LRP6: variants seen among roughly 807,000 people sequenced by gnomAD.
The protein encoded by LRP6 is low-density lipoprotein receptor-related protein 6.
A neutral mutation model predicts 184.1 loss-of-function variants in LRP6; 43 were observed. The observed-to-expected ratio is 0.23, with a 90% CI of 0.18 to 0.30. The LOEUF is 0.30. Among genes scored for constraint, LRP6 ranks in the 10% least tolerant of loss-of-function variants. The probability of loss-of-function intolerance (pLI) is 1.00; values close to 1 mark genes in which losing one functional copy is unlikely to be tolerated. For missense variants in LRP6, 1,571 were observed against 2,005.3 expected, an observed-to-expected ratio of 0.78 and a Z score of 4.14; for synonymous variants, 719 against 684.9, an observed-to-expected ratio of 1.05 and a Z score of -0.78.
intron 1 of LRP6, among the ~76,000 whole-genome samples, chr12:12,245,163 T>G (rs1865155075): frequency 6.6e-6 from 1 of 152,196 alleles, no homozygotes; most frequent in Non-Finnish European, 1.5e-5. Context: ...TCATACCAAT[T>G]TATTTGTAAT....
chr12:12,132,552 G>A (rs1949774342), intron 17 of LRP6, among the ~76,000 whole-genome samples: 1 of 152,034 alleles, frequency 6.6e-6, no homozygotes, highest in Admixed American at 6.6e-5. Flanking sequence ...TTGCACTGAT[G>A]CTGCAAAAGA....
chr12:12,183,621 T>C (rs886246527), intron 5 of LRP6, among the ~76,000 whole-genome samples: 2 of 152,224 alleles, frequency 1.3e-5, no homozygotes, highest in African/African-American at 2.4e-5. Context: ...AAACATACTT[T>C]CTTTCACAGA....
chr12:12,192,574 G>A (rs766174107), intron 3 of LRP6, among the ~76,000 whole-genome samples: 2 of 152,000 alleles, frequency 1.3e-5, no homozygotes, highest in Admixed American at 6.6e-5. Context: ...AAAGGTTACA[G>A]TAGACAGTAA....
At chr12:12,122,145 A>C (rs532308368) in intron 22 of LRP6, among the ~76,000 whole-genome samples, 1 of 152,290 alleles carries the variant, frequency 6.6e-6, no homozygotes, top group African/African-American at 2.4e-5. Flanking sequence ...TTTATTTCTT[A>C]CACTTGTTTA....
intron 7 of LRP6, among the ~76,000 whole-genome samples, chr12:12,176,396 T>C (rs538829630): frequency 6.6e-6 from 1 of 152,150 alleles, no homozygotes; most frequent in Non-Finnish European, 1.5e-5. Flanking sequence ...CCCTCACATA[T>C]ATGTTATTCT....
chr12:12,185,692 C>T (rs1474625935), intron 4 of LRP6, among the ~76,000 whole-genome samples: 1 of 152,000 alleles, frequency 6.6e-6, no homozygotes, highest in Admixed American at 6.6e-5. Flanking sequence ...AAACACAGAA[C>T]CAAAACTAAG....
rs989204387 is a variant in LRP6, at chr12:12,255,418, C to T, written c.56-10763G>A. 3.0e-5 allele frequency among the ~76,000 whole-genome samples: 3 copies of T among 101,654 alleles called. No homozygotes were observed. The Admixed American group carries it at 3.3e-4, about 11-fold the overall frequency. 66.7% of individuals were successfully genotyped at this position (101,654 alleles called of 152,430 possible). On this transcript the variant is annotated intron_variant, in intron 1 of 22. Coordinates refer to ENST00000261349, the MANE Select transcript of LRP6 (RefSeq NM_002336.3). ...TGATAGCCCTGCTTACTTCTCCTTT[C>T]TATAAAAAAAAAAAAAGCCTTTTTC...
intron 12 of LRP6, among the ~76,000 whole-genome samples, chr12:12,156,758 C>T (rs1393613479): frequency 6.6e-6 from 1 of 152,190 alleles, no homozygotes; most frequent in Non-Finnish European, 1.5e-5. Flanking sequence ...GTCTTCGTGC[C>T]TCTATTCTCT....
chr12:12,260,643 G>A (rs1385344934), intron 1 of LRP6, among the ~76,000 whole-genome samples: 1 of 152,100 alleles, frequency 6.6e-6, no homozygotes, highest in Non-Finnish European at 1.5e-5. Context: ...TTTATTCAAT[G>A]TCTACTATTG....
At chr12:12,205,094 C>T (rs1171398202) in intron 2 of LRP6, among the ~76,000 whole-genome samples, 2 of 150,674 alleles carry the variant, frequency 1.3e-5, no homozygotes, top group African/African-American at 2.4e-5. Context: ...TTTGGGAGGC[C>T]GAGGTGGGTG....
intron 15 of LRP6, 37 bp from the exon 16 acceptor site, chr12:12,138,571 G>T (rs763267482): frequency 6.5e-7 from 1 of 1,536,700 alleles, no homozygotes. Flanking sequence ...AATGACTCAT[G>T]TGGGTCAAGT....
At chr12:12,182,836 C>G (rs1051015770) in intron 5 of LRP6, among the ~76,000 whole-genome samples, 1 of 152,164 alleles carries the variant, frequency 6.6e-6, no homozygotes, top group African/African-American at 2.4e-5. Context: ...CAAAACAGAA[C>G]AGTTAACTTA....
intron 1 of LRP6, chr12:12,249,444 C>T (rs374044137): frequency 1.3e-6 from 1 of 748,548 alleles, no homozygotes; most frequent in Non-Finnish European, 2.4e-6. Flanking sequence ...AAAAGAAAAA[C>T]CACAACACAG....
At chr12:12,165,493 TC>T (rs1178905900) in intron 7 of LRP6, among the ~76,000 whole-genome samples, 198 bp from the exon 8 acceptor site, 1 of 152,044 alleles carries the variant, frequency 6.6e-6, no homozygotes, top group Non-Finnish European at 1.5e-5. Context: ...TGACCACTTT[TC>T]CCCCCAATCT....
At chr12:12,250,768 G>A (rs1171329043) in intron 1 of LRP6, among the ~76,000 whole-genome samples, 5 of 151,722 alleles carry the variant, frequency 3.3e-5, no homozygotes, top group African/African-American at 7.3e-5. Flanking sequence ...GACTACAGGC[G>A]CCCAACACCA....
intron 1 of LRP6, among the ~76,000 whole-genome samples, chr12:12,263,676 C>G (rs1357866990): frequency 6.6e-6 from 1 of 151,770 alleles, no homozygotes; most frequent in Non-Finnish European, 1.5e-5. Context: ...AACTCTGGCT[C>G]TATAAAAATT....
chr12:12,133,857 G>T lies in LRP6; in HGVS notation c.3733+1318C>A, dbSNP rs1042021035. Among the ~76,000 whole-genome samples, 56 of 109,140 alleles carry T rather than the reference G, an allele frequency of 5.1e-4. 4 individuals are homozygous for T. The highest frequency in any genetic ancestry group is 1.7e-3 in the African/African-American group (53 of 31,194). 71.6% of individuals were successfully genotyped at this position (109,140 alleles called of 152,430 possible). ...ACATGCTATTTTTTGGGGGGGGGGGGGGGGGAGGGTAAAGTAACCATAAAA... is the reference window on the plus strand; with the variant it reads ...ACATGCTATTTTTTGGGGGGGGGGGTGGGGGAGGGTAAAGTAACCATAAAA... On this transcript the variant is annotated intron_variant, in intron 17 of 22. Transcript: ENST00000261349.
chr12:12,228,729 C>T (rs1650302782), intron 2 of LRP6, among the ~76,000 whole-genome samples: 1 of 152,220 alleles, frequency 6.6e-6, no homozygotes. Flanking sequence ...GCATCTAATG[C>T]CTGATCTGAG....
chr12:12,155,988 C>T (rs917633047), intron 12 of LRP6, among the ~76,000 whole-genome samples: 2 of 151,106 alleles, frequency 1.3e-5, no homozygotes, highest in African/African-American at 2.4e-5. Context: ...ATGAAGAAAA[C>T]AGAAAAAAAA....
Sources: gnomAD v4.1 joint callset for allele counts (sites outside exome capture counted in the v4.1 genomes callset) on GRCh38, gnomAD v4.1.1 for gene constraint, MANE v1.5 for transcripts, NCBI Gene and HGNC (gene_info 2026-07-23, HGNC 2026-07-21) for gene names.